Variants in PGF observed in about 807,000 individuals in gnomAD.
PGF encodes placenta growth factor.
In PGF, 11 loss-of-function variants were observed where a neutral mutation model predicts 25.3. That is an observed-to-expected ratio of 0.43 (90% CI 0.27 to 0.72). The LOEUF (loss-of-function observed/expected upper bound fraction) is 0.72, where lower values mean the gene tolerates loss of function less well. Among genes scored for constraint, PGF ranks in the 30% least tolerant of loss-of-function variants. The probability of loss-of-function intolerance (pLI) is 0.18; values close to 1 mark genes in which losing one functional copy is unlikely to be tolerated. For missense variants in PGF, 230 were observed against 234.9 expected, an observed-to-expected ratio of 0.98 and a Z score of 0.14; for synonymous variants, 105 against 97.9, an observed-to-expected ratio of 1.07 and a Z score of -0.43.
intron 2 of PGF, among the ~76,000 whole-genome samples, chr14:74,952,399 C>A (rs1488834316): frequency 6.6e-6 from 1 of 152,226 alleles, no homozygotes; most frequent in African/African-American, 2.4e-5. Flanking sequence ...TCTGCCAGAT[C>A]CATGAGGAGT....
At chr14:74,954,115 C>T in intron 1 of PGF, 169 bp from the exon 2 acceptor site, 1 of 645,200 alleles carries the variant, frequency 1.5e-6, no homozygotes, top group Admixed American at 2.4e-5. Flanking sequence ...CTCACTGGAC[C>T]CTGGGTAGGT....
At chr14:74,947,878 T>A (rs902942308) in intron 4 of PGF, 1 of 152,366 alleles carries the variant, frequency 6.6e-6, no homozygotes, top group African/African-American at 2.4e-5. Flanking sequence ...TCCCTGAACC[T>A]AGCTGGCAGT....
chr14:74,948,666 A>C, intron 3 of PGF, 83 bp from the exon 4 acceptor site: 2 of 836,624 alleles, frequency 2.4e-6, no homozygotes, highest in Admixed American at 2.3e-5. Context: ...TGTAAGGAGA[A>C]CCCGACTCTG....
rs780120636 is a variant in PGF at position 74,942,764 on chromosome 14, T to G, written c.486-31A>C. The G allele has an allele frequency of 9.4e-6, 15 of 1,600,686 alleles. No homozygotes were observed. In the African/African-American group the frequency reaches 2.0e-4, roughly 22 times the overall value. On this transcript the variant is annotated intron_variant, in intron 6 of 6. Coordinates refer to ENST00000555567, the MANE Select transcript of PGF (RefSeq NM_002632.6). ...AGAGACCAAGCACAGACGGGGCGGG[T>G]ATCAGCACACTGTGGAGGGTGCGGT...
rs765183202 is a variant in PGF at position 74,942,657 on chromosome 14, T to TA, written c.*48dup. 8.9e-6 allele frequency: 14 copies of TA among 1,579,886 alleles called. No individual in the cohort carries two copies. The South Asian group carries it at 1.5e-4, about 16-fold the overall frequency. On this transcript the variant is annotated 3_prime_UTR_variant, in exon 7 of 7. Coordinates refer to ENST00000555567, the MANE Select transcript of PGF (RefSeq NM_002632.6). ...CAGGAGTCACTGAAGAGTGTGACGGTAATAAATACACGAGCCGGGTGCGGG... is the reference window on the plus strand; with the variant it reads ...CAGGAGTCACTGAAGAGTGTGACGGTAAATAAATACACGAGCCGGGTGCGGG...
At chr14:74,951,446 G>A (rs61757888) in intron 2 of PGF, among the ~76,000 whole-genome samples, 1,549 of 152,322 alleles carry the variant, frequency 0.01, 12 homozygotes, top group Middle Eastern at 0.041. Context: ...GACTCTGAAC[G>A]TTTAATCTCC....
intron 2 of PGF, 51 bp from the exon 3 acceptor site, chr14:74,949,604 A>G (rs778663340): frequency 1.4e-6 from 2 of 1,414,174 alleles, no homozygotes; most frequent in South Asian, 1.5e-5. Flanking sequence ...CTGCCCCTTG[A>G]AGCCCTAAAC....
chr14:74,943,837 A>T (rs933697699), intron 6 of PGF, among the ~76,000 whole-genome samples: 2 of 152,222 alleles, frequency 1.3e-5, no homozygotes, highest in Non-Finnish European at 2.9e-5. Flanking sequence ...TTATTTTGAT[A>T]ATTTATTCCA....
chr14:74,948,468 G>C (rs748275711), intron 4 of PGF, 39 bp downstream of exon 4: 1 of 1,298,684 alleles, frequency 7.7e-7, no homozygotes, highest in Non-Finnish European at 1.1e-6. Context: ...AAGAGGACGG[G>C]GGCCTTTCCT....
intron 6 of PGF, 28 bp from the exon 7 acceptor site, chr14:74,942,761 G>T: frequency 6.2e-7 from 1 of 1,604,140 alleles, no homozygotes. Flanking sequence ...CAGACGGGGC[G>T]GGTATCAGCA....
chr14:74,951,664 G>A (rs2140408568), intron 2 of PGF, among the ~76,000 whole-genome samples: 1 of 152,338 alleles, frequency 6.6e-6, no homozygotes, highest in African/African-American at 2.4e-5. Flanking sequence ...GGCCTCGGCA[G>A]CAGAAGAAGG....
At chr14:74,945,920 G>T in intron 6 of PGF, 1 of 477,582 alleles carries the variant, frequency 2.1e-6, no homozygotes, top group Non-Finnish European at 3.8e-6. Context: ...TTTGTAGAGT[G>T]ACTGAATGTT....
In PGF at chr14:74,955,474, G is replaced by GGGCGC. The variant is rs1478917090; in HGVS notation, c.-237_-233dup. ...CGACGGGGAGCGGCCCGGCGGGGCG[G>GGGCGC]GGCGCCGAGGGGCAGGCGGGTCCCG... On this transcript the variant is annotated 5_prime_UTR_variant, in exon 1 of 7. Coordinates refer to ENST00000555567, the MANE Select transcript of PGF (RefSeq NM_002632.6). The surrounding 1 kb of genome is among the most constrained non-coding windows in gnomAD (Gnocchi z 4.1). 1.5e-5 allele frequency: 6 copies of GGGCGC among 388,036 alleles called. No individual in the cohort carries two copies. The highest frequency in any genetic ancestry group is 2.7e-5 in the Non-Finnish European group (6 of 219,262). 24.0% of individuals were successfully genotyped at this position (388,036 alleles called of 1,614,324 possible).
chr14:74,948,698 A>G (rs1888801333), intron 3 of PGF, 115 bp from the exon 4 acceptor site: 2 of 593,576 alleles, frequency 3.4e-6, no homozygotes, highest in South Asian at 4.6e-5. Flanking sequence ...CCTGTGGACT[A>G]CAGGCCCTCA....
intron 1 of PGF, chr14:74,954,230 T>C (rs1330609097): frequency 4.4e-6 from 2 of 456,220 alleles, no homozygotes; most frequent in East Asian, 3.9e-5. Flanking sequence ...GATCTTCCAA[T>C]CCTGCGGGTC....
intron 6 of PGF, among the ~76,000 whole-genome samples, chr14:74,943,089 C>A (rs1230151559): frequency 2.6e-5 from 4 of 152,168 alleles, no homozygotes; most frequent in Admixed American, 2.6e-4. Context: ...CACATTTGAA[C>A]CTAATCACAC....
chr14:74,953,884 C>T lies in PGF; in HGVS notation c.118+20G>A. The T allele has an allele frequency of 6.2e-7, 1 of 1,613,138 alleles. No homozygotes were observed. The highest frequency in any genetic ancestry group is 1.3e-5 in the African/African-American group (1 of 75,018). On this transcript the variant is annotated intron_variant, in intron 2 of 6. Coordinates refer to ENST00000555567, the MANE Select transcript of PGF (RefSeq NM_002632.6). This position sits in a 1 kb window ranked among gnomAD's most constrained non-coding sequence, Gnocchi z 5.4. ...AGAGGGGCTTGGGGAGCATGCGTAC[C>T]CCCAGCCTGGCCAGCTTACCTTCCA... is the stretch of plus-strand genomic sequence containing the variant.
At position 74,946,250 on chromosome 14, in the gene PGF, T is replaced by C; in HGVS notation, c.448A>G (p.Arg150Gly). 6.2e-7 allele frequency: 1 copy of C among 1,614,122 alleles called. No homozygotes were observed. The highest frequency in any genetic ancestry group is 8.5e-7 in the Non-Finnish European group (1 of 1,180,010). ...GTGGGTCTCTGCTTCTCTCTCCTCC[T>C]CTTCCCCCTGCCCTTGGGTCTCCTC... ...ERRRPKGRGK[R>G]RREKQRPTDC... Residue 150 changes from arginine to glycine, a missense_variant, in exon 6 of 7, where the codon AGG becomes GGG. Physicochemically the swap from Arg to Gly is moderately radical, Grantham distance 125. Transcript: ENST00000555567.
chr14:74,942,865 G>T, intron 6 of PGF, 132 bp from the exon 7 acceptor site: 4 of 724,868 alleles, frequency 5.5e-6, no homozygotes, highest in Non-Finnish European at 4.3e-6. Flanking sequence ...AGTGCTCCTG[G>T]GTCCCTGCTT....
Sources: allele counts gnomAD v4.1 joint callset (sites outside exome capture counted in the v4.1 genomes callset), GRCh38; gene constraint gnomAD v4.1.1; non-coding constraint Gnocchi (gnomAD v3.1); transcripts MANE v1.5; gene names NCBI Gene and HGNC (gene_info 2026-07-23, HGNC 2026-07-21).